ATP8A2: variants seen among roughly 807,000 people sequenced by gnomAD.
The protein encoded by ATP8A2 is ATPase phospholipid transporting 8A2, also known as phospholipid-transporting ATPase IB.
In ATP8A2, 100 loss-of-function variants were observed where a neutral mutation model predicts 165.6. That is an observed-to-expected ratio of 0.60 (90% CI 0.51 to 0.71). The LOEUF (loss-of-function observed/expected upper bound fraction) is 0.71, where lower values mean the gene tolerates loss of function less well. Among genes scored for constraint, ATP8A2 ranks in the 30% least tolerant of loss-of-function variants. The pLI is 0.00. For synonymous variants in ATP8A2, 543 were observed against 548.8 expected (o/e 0.99, Z 0.15); for missense variants, 1,227 against 1,479.5 (o/e 0.83, Z 2.80).
chr13:25,405,220 C>T (rs2033763011), intron 1 of ATP8A2, among the ~76,000 whole-genome samples: 1 of 152,056 alleles, frequency 6.6e-6, no homozygotes, highest in African/African-American at 2.4e-5. Context: ...GGAGGGAAGG[C>T]GCAGATGCGA....
chr13:25,486,986 A>C (rs1373266182), intron 2 of ATP8A2, among the ~76,000 whole-genome samples: 1 of 152,180 alleles, frequency 6.6e-6, no homozygotes, highest in African/African-American at 2.4e-5. Context: ...ATTAATAGTA[A>C]TAATATAACA....
chr13:25,959,482 A>G (rs1254630110), intron 33 of ATP8A2, among the ~76,000 whole-genome samples: 1 of 152,226 alleles, frequency 6.6e-6, no homozygotes, highest in East Asian at 1.9e-4. Context: ...CGAGACTACA[A>G]AAATGATGGT....
rs377752601 is a variant in ATP8A2, at chr13:25,794,429, G to A, written c.2679+19470G>A. ...CCAGACTCAAAAATGACACCCTTTC[G>A]TATGATTTTGTATAAATGCATGATT... is the stretch of plus-strand genomic sequence containing the variant. On this transcript the variant is annotated intron_variant, in intron 27 of 36. Transcript: ENST00000381655. 4.6e-5 allele frequency among the ~76,000 whole-genome samples: 7 copies of A among 152,230 alleles called. No individual in the cohort carries two copies. The South Asian group carries it at 6.2e-4, about 14-fold the overall frequency.
chr13:25,966,170 AC>A (rs1955773054), intron 34 of ATP8A2, among the ~76,000 whole-genome samples: 2 of 152,072 alleles, frequency 1.3e-5, no homozygotes, highest in African/African-American at 4.8e-5. Flanking sequence ...AGTAGCCAGC[AC>A]CCCAACTCTG....
chr13:25,969,864 C>T (rs1016531025), intron 35 of ATP8A2, among the ~76,000 whole-genome samples: 12 of 152,022 alleles, frequency 7.9e-5, no homozygotes, highest in African/African-American at 2.7e-4. Flanking sequence ...CTGATTTTAC[C>T]GCAGATGTAC....
chr13:25,512,917 C>T (rs1468515749), intron 2 of ATP8A2, among the ~76,000 whole-genome samples: 2 of 143,152 alleles, frequency 1.4e-5, no homozygotes, highest in Non-Finnish European at 3.1e-5. Context: ...GGGGCTGACC[C>T]CCCCACCTCC....
At chr13:25,695,814 G>A (rs1283292039) in intron 24 of ATP8A2, among the ~76,000 whole-genome samples, 2 of 140,522 alleles carry the variant, frequency 1.4e-5, no homozygotes, top group Non-Finnish European at 3.2e-5. Context: ...ACTTTTCAAA[G>A]TTATGCATGA....
chr13:25,960,982 A>C (rs1955646950), intron 33 of ATP8A2, among the ~76,000 whole-genome samples: 1 of 152,218 alleles, frequency 6.6e-6, no homozygotes, highest in Admixed American at 6.5e-5. Flanking sequence ...TGTCGTCTTT[A>C]AGAAGTCTTC....
chr13:25,501,751 T>G (rs1228113328), intron 2 of ATP8A2, among the ~76,000 whole-genome samples: 1 of 152,186 alleles, frequency 6.6e-6, no homozygotes, highest in Non-Finnish European at 1.5e-5. Flanking sequence ...TAAAGCTCAA[T>G]GCTGAAGGGC....
At chr13:25,773,022 A>G (rs2044659894) in intron 26 of ATP8A2, among the ~76,000 whole-genome samples, 1 of 152,178 alleles carries the variant, frequency 6.6e-6, no homozygotes, top group Non-Finnish European at 1.5e-5. Context: ...GGCCTCCCAA[A>G]GTGCTGGGAT....
intron 36 of ATP8A2, among the ~76,000 whole-genome samples, chr13:26,017,684 G>T (rs1253236793): frequency 6.6e-6 from 1 of 152,210 alleles, no homozygotes; most frequent in South Asian, 2.1e-4. Flanking sequence ...AGCAGATCAT[G>T]TGAAAACTCT....
chr13:25,867,914 CT>C lies in ATP8A2; in HGVS notation c.3183+5514del, dbSNP rs368880389. 228 of 220,876 alleles carry C rather than the reference CT, an allele frequency of 1.0e-3. 2 individuals are homozygous for C. Among genetic ancestry groups the C allele is most frequent in the African/African-American group, 3.8e-3 (164 of 43,126 alleles). The allele number at this position is 220,876 out of a possible 1,614,324, so 13.7% of individuals were successfully genotyped here. ...AAAAGACAAACAAAAACAAAAGTGT[CT>C]TTTTTTTATTGTTTTATTACTTTTT... On this transcript the variant is annotated intron_variant, in intron 33 of 36. Coordinates refer to ENST00000381655, the MANE Select transcript of ATP8A2 (RefSeq NM_016529.6).
chr13:25,606,744 G>T (rs2040527409), intron 24 of ATP8A2, among the ~76,000 whole-genome samples: 1 of 152,158 alleles, frequency 6.6e-6, no homozygotes, highest in African/African-American at 2.4e-5. Flanking sequence ...AATGAGAAGT[G>T]AAAATGTTTT....
intron 1 of ATP8A2, among the ~76,000 whole-genome samples, chr13:25,434,194 A>T (rs2034690916): frequency 6.6e-6 from 1 of 152,092 alleles, no homozygotes; most frequent in Non-Finnish European, 1.5e-5. Flanking sequence ...TTCTTCAGAG[A>T]TGGTTAGCGC....
chr13:25,531,218 T>A (rs1405182761), intron 4 of ATP8A2, among the ~76,000 whole-genome samples: 1 of 133,540 alleles, frequency 7.5e-6, no homozygotes, highest in African/African-American at 3.0e-5. Context: ...ATGTTATATA[T>A]GATATATGTT....
intron 33 of ATP8A2, among the ~76,000 whole-genome samples, chr13:25,906,590 C>T (rs898898718): frequency 6.6e-6 from 1 of 152,150 alleles, no homozygotes; most frequent in African/African-American, 2.4e-5. Flanking sequence ...CTCTCTCCCC[C>T]TCTTGCCGTA....
rs750125283 is a variant in ATP8A2 at position 25,551,451 on chromosome 13, C to T, written c.1005C>T (p.Ala335=). The T allele has an allele frequency of 1.9e-6, 3 of 1,613,956 alleles. No individual in the cohort carries two copies. Among genetic ancestry groups the T allele is most frequent in the South Asian group, 2.2e-5 (2 of 91,044 alleles). The change falls in exon 11 of 37, where the codon GCC becomes GCT. Residue 335 remains alanine, a synonymous_variant. Coordinates refer to ENST00000381655, the MANE Select transcript of ATP8A2 (RefSeq NM_016529.6). ...LVMALVSSAG[A]LYWNRSHGEK... ...TGGCCTTGGTGAGCTCGGCGGGGGC[C>T]CTGTACTGGAACAGGTCTCATGGTG...
intron 35 of ATP8A2, among the ~76,000 whole-genome samples, chr13:25,997,493 G>A (rs532574307): frequency 6.6e-6 from 1 of 152,244 alleles, no homozygotes; most frequent in East Asian, 1.9e-4. Flanking sequence ...GACATTTTCA[G>A]CCACTATTTC....
intron 24 of ATP8A2, among the ~76,000 whole-genome samples, chr13:25,670,465 C>T (rs1415564789): frequency 1.3e-5 from 2 of 152,136 alleles, no homozygotes; most frequent in Admixed American, 6.5e-5. Context: ...TCTGAATTTC[C>T]TGGCACAATG....
Sources: gnomAD v4.1 joint callset for allele counts (sites outside exome capture counted in the v4.1 genomes callset) on GRCh38, gnomAD v4.1.1 for gene constraint, MANE v1.5 for transcripts, NCBI Gene and HGNC (gene_info 2026-07-23, HGNC 2026-07-21) for gene names.